Variants in MEGF6 observed in about 807,000 individuals in gnomAD.
MEGF6 encodes the protein multiple EGF like domains 6, also known as multiple epidermal growth factor-like domains protein 6.
Under a neutral mutation model 207.1 loss-of-function variants are expected in MEGF6, and 184 were observed. The ratio of observed to expected loss-of-function variants is 0.89; its 90% CI spans 0.79 to 1.00. The LOEUF (loss-of-function observed/expected upper bound fraction) is 1.00. Ranked by LOEUF, MEGF6 falls within the 50% of genes least tolerant of loss-of-function variation. The pLI, the probability that MEGF6 is intolerant of heterozygous loss-of-function variation, is 0.00. For synonymous variants in MEGF6, 1,038 were observed against 910.0 expected (o/e 1.14, Z -2.53); for missense variants, 2,282 against 2,202.9 (o/e 1.04, Z -0.72).
Position 3,499,691 on chromosome 1 carries a change from C to T in MEGF6, c.2862G>A (p.Leu954=), listed in dbSNP as rs763737142. The T allele has an allele frequency of 3.1e-6, 5 of 1,603,206 alleles. No homozygotes were observed. The highest frequency in any genetic ancestry group is 4.3e-6 in the Non-Finnish European group (5 of 1,176,102). The stretch of plus-strand genomic sequence containing the variant: ...TGCAGTTGCAGGCACTGCGACAGTC[C>T]AATCCAAAGAAGCCGGCCGGGCAGG... ...EHACPAGFFG[L]DCRSACNCTA... The change falls in exon 23 of 37, where the codon TTG becomes TTA. Residue 954 remains leucine, a synonymous_variant. Transcript: ENST00000356575.
At chr1:3,516,772 C>T (rs769841056) in intron 5 of MEGF6, among the ~76,000 whole-genome samples, 2 of 152,186 alleles carry the variant, frequency 1.3e-5, no homozygotes, top group Non-Finnish European at 2.9e-5. Context: ...CCACCGTGCT[C>T]GCCGTACCTG....
At chr1:3,572,425 G>A (rs1408686054) in intron 4 of MEGF6, among the ~76,000 whole-genome samples, 1 of 130,364 alleles carries the variant, frequency 7.7e-6, no homozygotes, top group Non-Finnish European at 1.6e-5. Context: ...GTTCTCTCAG[G>A]TGTGCTGGGT....
At position 3,501,900 on chromosome 1, in the gene MEGF6, C is replaced by G. The variant is rs771423924; in HGVS notation, c.2210G>C (p.Gly737Ala). ...CGQECPVGTF[G>A]VNCSSSCSCG... ...GGAGCAGGAGCTCGAGCAGTTCACGCCAAACGTCCCCACCGGGCACTCTGC... is the reference window on the plus strand; with the variant it reads ...GGAGCAGGAGCTCGAGCAGTTCACGGCAAACGTCCCCACCGGGCACTCTGC... The change falls in exon 18 of 37, where the codon GGC (glycine) becomes GCC (alanine). Residue 737 changes from glycine (G) to alanine (A), a missense_variant. Coordinates refer to ENST00000356575, the MANE Select transcript of MEGF6 (RefSeq NM_001409.4). 2.5e-6 allele frequency: 4 copies of G among 1,610,204 alleles called. No individual in the cohort carries two copies. Among genetic ancestry groups the G allele is most frequent in the Non-Finnish European group, 3.4e-6 (4 of 1,178,862 alleles).
chr1:3,548,791 C>A (rs976614985), intron 4 of MEGF6, among the ~76,000 whole-genome samples: 1 of 152,172 alleles, frequency 6.6e-6, no homozygotes, highest in Non-Finnish European at 1.5e-5. Context: ...TCCCCAGCAC[C>A]GGGGCAGCCT....
chr1:3,564,597 G>A lies in MEGF6; in HGVS notation c.481+15228C>T, dbSNP rs1570147316. Among the ~76,000 whole-genome samples, 4 of 152,122 alleles carry A rather than the reference G, an allele frequency of 2.6e-5. No homozygotes were observed. In the South Asian group the frequency reaches 8.3e-4, roughly 32 times the overall value. Reference sequence around the variant, plus strand: ...TTGCCCTGGCCACCAGCCCAGCCCTGGCAAGAACCACCATCTCTCCTGGTG... The same window carrying A: ...TTGCCCTGGCCACCAGCCCAGCCCTAGCAAGAACCACCATCTCTCCTGGTG... On this transcript the variant is annotated intron_variant, in intron 4 of 36. Coordinates refer to ENST00000356575, the MANE Select transcript of MEGF6 (RefSeq NM_001409.4).
At chr1:3,603,190 C>A (rs761395111) in intron 1 of MEGF6, among the ~76,000 whole-genome samples, 8 of 152,234 alleles carry the variant, frequency 5.3e-5, no homozygotes, top group Non-Finnish European at 2.9e-5. Flanking sequence ...AAGGCCTCTC[C>A]AGCCCAGAGG....
chr1:3,520,043 T>A (rs1264400216), intron 5 of MEGF6, among the ~76,000 whole-genome samples: 1 of 152,236 alleles, frequency 6.6e-6, no homozygotes, highest in Non-Finnish European at 1.5e-5. Flanking sequence ...CCCAAAGGCC[T>A]GATGGGCATG....
chr1:3,515,512 G>A lies in MEGF6; in HGVS notation c.620C>T (p.Ala207Val). 1 of 1,612,520 alleles carries A rather than the reference G, an allele frequency of 6.2e-7. No individual in the cohort carries two copies. The highest frequency in any genetic ancestry group is 8.5e-7 in the Non-Finnish European group (1 of 1,179,716). Reference sequence around the variant, plus strand: ...GTGCTGGCAGCCGCCATTGCCCAGGGCGCAGGAGTTAATGGCTGGGGACAC... The same window carrying A: ...GTGCTGGCAGCCGCCATTGCCCAGGACGCAGGAGTTAATGGCTGGGGACAC... ...SRTCLAINSCALGNGGCQHHC... is the reference protein window; with the variant it reads ...SRTCLAINSCVLGNGGCQHHC... The change falls in exon 6 of 37, where the codon GCC becomes GTC. Residue 207 changes from alanine to valine, a missense_variant. By Grantham distance (64) the Ala-to-Val change is moderately conservative. Transcript: ENST00000356575.
chr1:3,541,751 T>C (rs997179604), intron 4 of MEGF6, among the ~76,000 whole-genome samples: 1 of 143,878 alleles, frequency 7.0e-6, no homozygotes, highest in Non-Finnish European at 1.5e-5. Flanking sequence ...GAGCCCACAG[T>C]GGCAGCAGAG....
chr1:3,522,882 A>G (rs1010644273), intron 5 of MEGF6, among the ~76,000 whole-genome samples: 18 of 152,182 alleles, frequency 1.2e-4, no homozygotes, highest in Admixed American at 1.3e-4. Flanking sequence ...TGAGGGGACC[A>G]GGGGGTGCAA....
chr1:3,494,788 G>T (rs1196623931), intron 30 of MEGF6, 47 bp from the exon 31 acceptor site: 1 of 1,499,880 alleles, frequency 6.7e-7, no homozygotes. Context: ...CCGAGGGCTG[G>T]GCTCCCTCTG....
intron 32 of MEGF6, 102 bp downstream of exon 32, chr1:3,494,269 C>A: frequency 5.5e-6 from 8 of 1,465,688 alleles, no homozygotes; most frequent in Admixed American, 2.3e-5. Flanking sequence ...CTGCTGGCTC[C>A]CCACCTCCCC....
Position 3,498,822 on chromosome 1 carries a change from G to T in MEGF6, c.3099C>A (p.Cys1033Ter). Reference protein sequence around the residue: ...GWMGPSCLQACPAGLYGDNCR... With the variant: ...GWMGPSCLQA ...AGTTGTCGCCGTACAGGCCGGCAGG[G>T]CAGGCTGGGGCCAGGGAAGAGGGAG... The change falls in exon 25 of 37, where the codon TGC becomes TGA. Residue 1033 changes from cysteine (C) to a stop codon, truncating the protein, a stop_gained. Transcript: ENST00000356575. LOFTEE classifies it high-confidence loss of function. 1 of 1,551,620 alleles carries T rather than the reference G, an allele frequency of 6.4e-7. No individual in the cohort carries two copies.
chr1:3,509,331 C>T (rs1641244645), intron 11 of MEGF6, 86 bp from the exon 12 acceptor site: 1 of 1,268,488 alleles, frequency 7.9e-7, no homozygotes, highest in East Asian at 3.0e-5. Flanking sequence ...GGGCCTAAGC[C>T]CCACCCCAGG....
intron 5 of MEGF6, among the ~76,000 whole-genome samples, chr1:3,517,714 G>A (rs1403777547): frequency 6.6e-6 from 1 of 152,204 alleles, no homozygotes; most frequent in Non-Finnish European, 1.5e-5. Context: ...GTTACAGCCT[G>A]CAAAGTGGAC....
chr1:3,572,316 C>T (rs1570163909), intron 4 of MEGF6, among the ~76,000 whole-genome samples: 1 of 112,156 alleles, frequency 8.9e-6, no homozygotes, highest in African/African-American at 3.6e-5. Flanking sequence ...CCTGGGTGTG[C>T]TGGGTCCTCC....
At chr1:3,516,491 C>T (rs894402956) in intron 5 of MEGF6, among the ~76,000 whole-genome samples, 3 of 152,196 alleles carry the variant, frequency 2.0e-5, no homozygotes, top group Admixed American at 6.5e-5. Flanking sequence ...ATTACCAAAG[C>T]GCCGAGACTC....
intron 2 of MEGF6, 66 bp from the exon 3 acceptor site, chr1:3,595,513 A>C: frequency 1.5e-6 from 2 of 1,342,660 alleles, no homozygotes; most frequent in Non-Finnish European, 2.1e-6. Flanking sequence ...CTCTCACTGC[A>C]CCCCTGGGGA....
chr1:3,527,334 C>T (rs1055975180), intron 4 of MEGF6, among the ~76,000 whole-genome samples: 5 of 152,226 alleles, frequency 3.3e-5, no homozygotes, highest in Admixed American at 2.6e-4. Context: ...ACCCTGCTGC[C>T]CATCCACGCT....
Sources: gnomAD v4.1 joint callset for allele counts (sites outside exome capture counted in the v4.1 genomes callset) on GRCh38, gnomAD v4.1.1 for gene constraint, MANE v1.5 for transcripts, NCBI Gene and HGNC (gene_info 2026-07-23, HGNC 2026-07-21) for gene names.